The following STAP1 variants were observed in gnomAD, a reference collection of about 807,000 sequenced individuals.
The protein encoded by STAP1 is signal transducing adaptor family member 1.
STAP1 carries 30 observed loss-of-function variants against 37.8 expected under a neutral mutation model. The observed-to-expected ratio is 0.79, with a 90% CI of 0.59 to 1.08. The LOEUF (loss-of-function observed/expected upper bound fraction) is 1.08, where lower values mean the gene tolerates loss of function less well. Ranked by LOEUF, STAP1 falls within the 50% of genes least tolerant of loss-of-function variation. The pLI, the probability that STAP1 is intolerant of heterozygous loss-of-function variation, is 0.00. For synonymous variants in STAP1, 130 were observed against 116.0 expected (o/e 1.12, Z -0.78); for missense variants, 357 against 349.4 (o/e 1.02, Z -0.17).
At chr4:67,598,242 G>A (rs1728266458) in intron 8 of STAP1, among the ~76,000 whole-genome samples, 1 of 152,140 alleles carries the variant, frequency 6.6e-6, no homozygotes. Context: ...TATAAACATA[G>A]GAGTGCAAAT....
At chr4:67,589,293 G>A (rs1004380497) in intron 6 of STAP1, among the ~76,000 whole-genome samples, 3 of 152,200 alleles carry the variant, frequency 2.0e-5, no homozygotes, top group Non-Finnish European at 1.5e-5. Context: ...GATTCCTGAA[G>A]TTTCAGCGTT....
chr4:67,579,658 T>C (rs974060996), intron 4 of STAP1, among the ~76,000 whole-genome samples: 1 of 150,698 alleles, frequency 6.6e-6, no homozygotes, highest in Non-Finnish European at 1.5e-5. Context: ...AGAGAAAGAG[T>C]GGGGAAGAGG....
intron 1 of STAP1, among the ~76,000 whole-genome samples, chr4:67,562,005 G>A (rs1727350237): frequency 7.0e-6 from 1 of 142,872 alleles, no homozygotes; most frequent in Admixed American, 7.4e-5. Flanking sequence ...CTGGGAGTCA[G>A]AGGTTGCAGT....
At chr4:67,587,119 G>T (rs1728002333) in intron 6 of STAP1, among the ~76,000 whole-genome samples, 1 of 152,152 alleles carries the variant, frequency 6.6e-6, no homozygotes, top group African/African-American at 2.4e-5. Context: ...AAGGATAACA[G>T]TTGTACAGAG....
intron 4 of STAP1, among the ~76,000 whole-genome samples, chr4:67,579,422 T>A (rs538441649): frequency 1.2e-3 from 176 of 152,252 alleles, no homozygotes; most frequent in African/African-American, 4.0e-3. Flanking sequence ...TTTCTGTGCT[T>A]GATTTTTTTT....
intron 4 of STAP1, among the ~76,000 whole-genome samples, chr4:67,579,328 A>G (rs1727798158): frequency 6.6e-6 from 1 of 152,204 alleles, no homozygotes; most frequent in Non-Finnish European, 1.5e-5. Context: ...GAGCTGAGAC[A>G]TTGCTTTTGA....
At position 67,583,686 on chromosome 4, in the gene STAP1, A is replaced by G. The variant is rs1183202563; in HGVS notation, c.643A>G (p.Ile215Val). Reference sequence around the variant, plus strand: ...TGACAGTAGAAACTACTCCATCACTATTCGGCAGGAGATAGAGTATGTTTA... The same window carrying G: ...TGACAGTAGAAACTACTCCATCACTGTTCGGCAGGAGATAGAGTATGTTTA... ...GSDSRNYSIT[I>V]RQEIDIPRIK... The change falls in exon 6 of 9, where the codon ATT becomes GTT. Residue 215 changes from isoleucine (I) to valine (V), a missense_variant. By Grantham distance (29) the Ile-to-Val change is conservative. Transcript: ENST00000265404. 4 of 1,612,332 alleles carry G rather than the reference A, an allele frequency of 2.5e-6. No homozygotes were observed. The African/African-American group carries it at 5.3e-5, about 22-fold the overall frequency.
chr4:67,588,271 C>A (rs1197952982), intron 6 of STAP1, among the ~76,000 whole-genome samples: 12 of 152,000 alleles, frequency 7.9e-5, no homozygotes, highest in Admixed American at 7.9e-4. Context: ...TCCAGAATTT[C>A]ATTCTGTTAG....
chr4:67,578,314 C>T (rs1727772019), intron 4 of STAP1, among the ~76,000 whole-genome samples: 1 of 152,186 alleles, frequency 6.6e-6, no homozygotes, highest in Non-Finnish European at 1.5e-5. Flanking sequence ...TTATTAGAGT[C>T]AGTTAAACAC....
intron 3 of STAP1, 82 bp from the exon 4 acceptor site, chr4:67,577,121 C>A: frequency 2.4e-6 from 3 of 1,240,072 alleles, no homozygotes; most frequent in Non-Finnish European, 3.4e-6. Context: ...ATTTTTTAGG[C>A]TCAGTCATAA....
At chr4:67,583,493 G>A in intron 5 of STAP1, 81 bp from the exon 6 acceptor site, 1 of 1,428,242 alleles carries the variant, frequency 7.0e-7, no homozygotes, top group Non-Finnish European at 9.3e-7. Context: ...AGCTCTCAAA[G>A]TTATTTTGGT....
At chr4:67,561,659 T>G (rs1186023299) in intron 1 of STAP1, among the ~76,000 whole-genome samples, 2 of 152,216 alleles carry the variant, frequency 1.3e-5, no homozygotes, top group Non-Finnish European at 2.9e-5. Context: ...GATTCTGAAT[T>G]AACCAGGAAG....
chr4:67,572,370 G>C (rs949708052), intron 2 of STAP1, among the ~76,000 whole-genome samples: 1 of 152,204 alleles, frequency 6.6e-6, no homozygotes, highest in Non-Finnish European at 1.5e-5. Context: ...AGAGGAAAGA[G>C]TGGGAAAGTA....
At chr4:67,602,156 G>A (rs1485139771) in intron 8 of STAP1, among the ~76,000 whole-genome samples, 2 of 151,552 alleles carry the variant, frequency 1.3e-5, no homozygotes, top group African/African-American at 4.9e-5. Context: ...CCTTCAGAAT[G>A]TCAATTTTTC....
rs745833034 is a variant in STAP1, at chr4:67,558,791, A to C, written c.-19A>C. 17 of 1,600,422 alleles carry C rather than the reference A, an allele frequency of 1.1e-5. No homozygotes were observed. Among genetic ancestry groups the C allele is most frequent in the Non-Finnish European group, 1.4e-5 (16 of 1,175,846 alleles). ...TTTGTTTGAGACGAGAAACCAAACC[A>C]CACACCAAAGAGAGGGGTATGATGG... On this transcript the variant is annotated 5_prime_UTR_variant, in exon 1 of 9. Coordinates refer to ENST00000265404, the MANE Select transcript of STAP1 (RefSeq NM_012108.4).
chr4:67,592,164 C>T (rs185967126), intron 7 of STAP1, among the ~76,000 whole-genome samples: 100 of 151,966 alleles, frequency 6.6e-4, no homozygotes, highest in Middle Eastern at 3.4e-3. Flanking sequence ...CTGTGTTGCC[C>T]AGGCTTGAGC....
At chr4:67,587,765 GTCTGGAGT>G (rs1728018469) in intron 6 of STAP1, among the ~76,000 whole-genome samples, 3 of 142,282 alleles carry the variant, frequency 2.1e-5, no homozygotes, top group African/African-American at 8.0e-5. Flanking sequence ...TTGTTGCCCA[GTCTGGAGT>G]TCAATGGCGC....
At chr4:67,559,899 T>C (rs988426810) in intron 1 of STAP1, among the ~76,000 whole-genome samples, 2 of 152,122 alleles carry the variant, frequency 1.3e-5, no homozygotes, top group Non-Finnish European at 2.9e-5. Flanking sequence ...CATTTACTAT[T>C]TGAGAGTAAA....
chr4:67,604,336 T>G (rs1728405612), intron 8 of STAP1, among the ~76,000 whole-genome samples: 1 of 152,228 alleles, frequency 6.6e-6, no homozygotes, highest in Non-Finnish European at 1.5e-5. Flanking sequence ...CCAAGTACTG[T>G]AATTGCTCAC....
Sources: allele counts gnomAD v4.1 joint callset (sites outside exome capture counted in the v4.1 genomes callset), GRCh38; gene constraint gnomAD v4.1.1; transcripts MANE v1.5; gene names NCBI Gene and HGNC (gene_info 2026-07-23, HGNC 2026-07-21).